RIMS1: variants seen among roughly 807,000 people sequenced by gnomAD.
The protein encoded by RIMS1 is regulating synaptic membrane exocytosis 1.
Under a neutral mutation model 214.1 loss-of-function variants are expected in RIMS1, and 83 were observed. The ratio of observed to expected loss-of-function variants is 0.39; its 90% CI spans 0.32 to 0.47. RIMS1 has a LOEUF of 0.47. Ranked by LOEUF, RIMS1 falls within the 20% of genes least tolerant of loss-of-function variation. The probability of loss-of-function intolerance (pLI) is 0.99; values close to 1 mark genes in which losing one functional copy is unlikely to be tolerated. For missense variants in RIMS1, 2,050 were observed against 2,161.8 expected, an observed-to-expected ratio of 0.95 and a Z score of 1.03; for synonymous variants, 793 against 786.8, an observed-to-expected ratio of 1.01 and a Z score of -0.13.
intron 4 of RIMS1, 88 bp from the exon 5 acceptor site, chr6:72,179,487 T>G (rs1294686835): frequency 3.6e-6 from 4 of 1,097,174 alleles, no homozygotes; most frequent in Non-Finnish European, 5.4e-6. Flanking sequence ...TGAATACTGT[T>G]CTTTTTTTCT....
intron 1 of RIMS1, among the ~76,000 whole-genome samples, chr6:71,910,068 A>C (rs1776431167): frequency 6.6e-6 from 1 of 152,132 alleles, no homozygotes; most frequent in Non-Finnish European, 1.5e-5. Flanking sequence ...AAGTTAACTC[A>C]GGTGTGGCAA....
At chr6:72,009,732 T>G (rs370801959) in intron 2 of RIMS1, among the ~76,000 whole-genome samples, 12 of 152,024 alleles carry the variant, frequency 7.9e-5, no homozygotes, top group African/African-American at 2.9e-4. Context: ...CTAGAAGAAA[T>G]GGATAAATTC....
At chr6:72,213,457 A>G (rs925090567) in intron 6 of RIMS1, among the ~76,000 whole-genome samples, 2 of 152,154 alleles carry the variant, frequency 1.3e-5, no homozygotes, top group African/African-American at 4.8e-5. Context: ...AAGATGATTA[A>G]TTATGTTTAT....
rs935062446 is a variant in RIMS1, at chr6:72,396,126, A to G, written c.4619-2123A>G. Among the ~76,000 whole-genome samples the G allele has an allele frequency of 2.0e-5, 3 of 152,084 alleles. No homozygotes were observed. The East Asian group carries it at 5.8e-4, about 29-fold the overall frequency. ...GGTTTAATATTTGAAAACTAATATA[A>G]TTGATCACATTGCTGTAATAAAAAA... On this transcript the variant is annotated intron_variant, in intron 31 of 33. Coordinates refer to ENST00000521978, the MANE Select transcript of RIMS1 (RefSeq NM_014989.7).
chr6:71,992,406 CTT>C lies in RIMS1; in HGVS notation c.245+23345_245+23346del, dbSNP rs758617402. ...CTTGCTTCTTTCTTTCTCTCTCTCTCTTTCTTTCTTTCTTTCTTTCTTTCTTT... is the reference window on the plus strand; with the variant it reads ...CTTGCTTCTTTCTTTCTCTCTCTCTCTCTTTCTTTCTTTCTTTCTTTCTTT... On this transcript the variant is annotated intron_variant, in intron 2 of 33. Transcript: ENST00000521978. Among the ~76,000 whole-genome samples, 467 of 51,832 alleles carry C rather than the reference CTT, an allele frequency of 9.0e-3. 3 individuals carry two copies. The highest frequency in any genetic ancestry group is 0.028 in the Middle Eastern group (3 of 108). 34.0% of individuals were successfully genotyped at this position (51,832 alleles called of 152,430 possible). A position where few individuals can be genotyped will look rare whatever the true frequency, so the allele number is the denominator to read the frequency against.
intron 2 of RIMS1, among the ~76,000 whole-genome samples, chr6:72,034,823 A>C (rs917857520): frequency 1.2e-4 from 18 of 152,184 alleles, no homozygotes; most frequent in African/African-American, 4.3e-4. Flanking sequence ...TTATACAGGT[A>C]TGTAAATATG....
intron 1 of RIMS1, among the ~76,000 whole-genome samples, chr6:71,950,328 C>T (rs1789072988): frequency 1.3e-5 from 2 of 151,902 alleles, no homozygotes; most frequent in African/African-American, 2.4e-5. Context: ...CATCTCTAAC[C>T]GTACACTTAA....
At chr6:72,040,054 T>C (rs910472233) in intron 2 of RIMS1, among the ~76,000 whole-genome samples, 1 of 152,094 alleles carries the variant, frequency 6.6e-6, no homozygotes, top group Non-Finnish European at 1.5e-5. Context: ...TTACAGCACA[T>C]AGGTTTAGCT....
At chr6:72,055,156 G>A (rs1489795794) in intron 2 of RIMS1, among the ~76,000 whole-genome samples, 1 of 152,128 alleles carries the variant, frequency 6.6e-6, no homozygotes, top group Non-Finnish European at 1.5e-5. Flanking sequence ...GGACATTTGA[G>A]AATTGGGGAG....
intron 2 of RIMS1, among the ~76,000 whole-genome samples, chr6:72,062,574 G>T (rs1828138359): frequency 6.6e-6 from 1 of 152,134 alleles, no homozygotes; most frequent in Non-Finnish European, 1.5e-5. Context: ...TTATTTGGGA[G>T]GTAAAGGAGC....
chr6:72,381,137 G>A (rs181785989), intron 29 of RIMS1, among the ~76,000 whole-genome samples: 2 of 152,124 alleles, frequency 1.3e-5, no homozygotes, highest in Non-Finnish European at 2.9e-5. Context: ...TTCTTCTGAG[G>A]CTCTCTCCTT....
At chr6:72,306,263 A>G (rs901159649) in intron 26 of RIMS1, among the ~76,000 whole-genome samples, 2 of 152,148 alleles carry the variant, frequency 1.3e-5, no homozygotes, top group Non-Finnish European at 2.9e-5. Flanking sequence ...TCACACACAC[A>G]CACACACAGC....
chr6:72,241,537 C>G (rs556320806), intron 9 of RIMS1, among the ~76,000 whole-genome samples: 2 of 152,182 alleles, frequency 1.3e-5, no homozygotes, highest in African/African-American at 4.8e-5. Context: ...AATGCAACAT[C>G]TTTTAACTCC....
chr6:72,335,176 C>T (rs2096797002), intron 29 of RIMS1, among the ~76,000 whole-genome samples: 1 of 151,900 alleles, frequency 6.6e-6, no homozygotes, highest in African/African-American at 2.4e-5. Context: ...CCCACACCTA[C>T]ATTAGATATT....
intron 6 of RIMS1, among the ~76,000 whole-genome samples, chr6:72,188,237 G>A (rs2049455405): frequency 1.3e-5 from 2 of 152,174 alleles, no homozygotes; most frequent in African/African-American, 4.8e-5. Context: ...CTGTCAAGTT[G>A]ACACTCGATA....
In RIMS1 at chr6:72,400,978, T is replaced by C. The variant is rs552253285; in HGVS notation, c.*264T>C. The C allele has an allele frequency of 1.9e-5, 8 of 431,528 alleles. No homozygotes were observed. The highest frequency in any genetic ancestry group is 1.8e-4 in the Admixed American group (5 of 27,810). The allele number at this position is 431,528 out of a possible 1,614,324, so 26.7% of individuals were successfully genotyped here. A position where few individuals can be genotyped will look rare whatever the true frequency, so the allele number is the denominator to read the frequency against. On this transcript the variant is annotated 3_prime_UTR_variant, in exon 34 of 34. Coordinates refer to ENST00000521978, the MANE Select transcript of RIMS1 (RefSeq NM_014989.7). ...TAACAAATAGAAAAAGAGGAAACTT[T>C]AAATCCACGCATACACGTACACACA... is the stretch of plus-strand genomic sequence containing the variant.
At chr6:71,906,090 G>A (rs147296566) in intron 1 of RIMS1, among the ~76,000 whole-genome samples, 6 of 152,180 alleles carry the variant, frequency 3.9e-5, no homozygotes, top group African/African-American at 1.4e-4. Flanking sequence ...CTTTCAGTCT[G>A]GCCTGAAGTG....
intron 30 of RIMS1, 154 bp downstream of exon 30, chr6:72,390,890 G>GA: frequency 2.6e-6 from 2 of 758,888 alleles, no homozygotes; most frequent in South Asian, 4.3e-5. Context: ...TTATAAGTAA[G>GA]TACACATGGA....
intron 23 of RIMS1, among the ~76,000 whole-genome samples, chr6:72,281,665 T>C (rs1052569767): frequency 1.3e-5 from 2 of 152,076 alleles, no homozygotes; most frequent in Non-Finnish European, 2.9e-5. Context: ...TATTTCCTAT[T>C]ATTTCTTCCC....
Sources: gnomAD v4.1 joint callset for allele counts (sites outside exome capture counted in the v4.1 genomes callset) on GRCh38, gnomAD v4.1.1 for gene constraint, MANE v1.5 for transcripts, NCBI Gene and HGNC (gene_info 2026-07-23, HGNC 2026-07-21) for gene names.